Variants in RPTOR observed in about 807,000 individuals in gnomAD.
RPTOR encodes the protein regulatory-associated protein of mTOR.
Under a neutral mutation model 169.9 loss-of-function variants are expected in RPTOR, and 21 were observed. That is an observed-to-expected ratio of 0.12 (90% CI 0.09 to 0.18). The LOEUF (loss-of-function observed/expected upper bound fraction) is 0.18. RPTOR is among the 10% of genes least tolerant of loss of function. The pLI is 1.00. For synonymous variants in RPTOR, 732 were observed against 753.2 expected, an observed-to-expected ratio of 0.97 and a Z score of 0.46; for missense variants, 1,133 against 1,855.9, an observed-to-expected ratio of 0.61 and a Z score of 7.16.
intron 9 of RPTOR, among the ~76,000 whole-genome samples, chr17:80,831,779 G>A (rs544651237): frequency 4.0e-4 from 60 of 151,882 alleles, no homozygotes; most frequent in African/African-American, 1.4e-3. Context: ...GTGTGTCACT[G>A]TGTATCCCTG....
In RPTOR at chr17:80,960,162, G is replaced by A. The variant is rs1398062769; in HGVS notation, c.3562G>A (p.Gly1188Ser). The change falls in exon 30 of 34, where the codon GGC (glycine) becomes AGC (serine). Residue 1188 changes from glycine to serine, a missense_variant. Physicochemically the swap from Gly to Ser is moderately conservative, Grantham distance 56. This residue lies in a region of RPTOR where 410 missense variants were observed against 623.7 expected (regional missense o/e 0.66). Coordinates refer to ENST00000306801, the MANE Select transcript of RPTOR (RefSeq NM_020761.3). The surrounding 1 kb of genome is among the most constrained non-coding windows in gnomAD (Gnocchi z 4.8). ...ACTCATCGTGGCTGGCCTCGGTGACGGCTCCATCCGCGTCTACGACAGAAG... is the reference window on the plus strand; with the variant it reads ...ACTCATCGTGGCTGGCCTCGGTGACAGCTCCATCCGCGTCTACGACAGAAG... ...RSLIVAGLGD[G>S]SIRVYDRRMA... 1 of 1,613,546 alleles carries A rather than the reference G, an allele frequency of 6.2e-7. No homozygotes were observed. Among genetic ancestry groups the A allele is most frequent in the Non-Finnish European group, 8.5e-7 (1 of 1,180,006 alleles).
intron 20 of RPTOR, among the ~76,000 whole-genome samples, chr17:80,900,410 G>A (rs148564431): frequency 4.6e-5 from 7 of 152,124 alleles, no homozygotes; most frequent in African/African-American, 9.6e-5. Context: ...ACTGCCTCCC[G>A]GGTTCAAGCA....
chr17:80,790,009 T>C (rs2067031194), intron 6 of RPTOR, among the ~76,000 whole-genome samples: 1 of 152,198 alleles, frequency 6.6e-6, no homozygotes, highest in Non-Finnish European at 1.5e-5. Flanking sequence ...GCATTTCCTG[T>C]AGATCATTTT....
intron 3 of RPTOR, among the ~76,000 whole-genome samples, chr17:80,653,623 G>A (rs62069686): frequency 0.29 from 44,341 of 152,054 alleles, 6,524 homozygotes; most frequent in Middle Eastern, 0.33. Flanking sequence ...GGCTCATAGT[G>A]GACTGGGAGC....
At chr17:80,691,556 C>A (rs534939083) in intron 3 of RPTOR, among the ~76,000 whole-genome samples, 1 of 152,206 alleles carries the variant, frequency 6.6e-6, no homozygotes, top group Non-Finnish European at 1.5e-5. Context: ...CCGATGTCCA[C>A]GTCGTTCCAT....
rs962147838 is a variant in RPTOR, at chr17:80,721,870, A to C, written c.508-8690A>C. Among the ~76,000 whole-genome samples, 1 of 150,964 alleles carries C rather than the reference A, an allele frequency of 6.6e-6. No homozygotes were observed. Among genetic ancestry groups the C allele is most frequent in the East Asian group, 1.9e-4 (1 of 5,186 alleles). ...TTCATTATTATCCAATTTGGTATATATATATATATTTCAGGTTTTTATGAA... is the reference window on the plus strand; with the variant it reads ...TTCATTATTATCCAATTTGGTATATCTATATATATTTCAGGTTTTTATGAA... On this transcript the variant is annotated intron_variant, in intron 4 of 33. Coordinates refer to ENST00000306801, the MANE Select transcript of RPTOR (RefSeq NM_020761.3). This position sits in a 1 kb window ranked among gnomAD's most constrained non-coding sequence, Gnocchi z 4.7.
chr17:80,947,717 C>T lies in RPTOR; in HGVS notation c.3265+366C>T, dbSNP rs1028626013. ...GGATGCCCCAAGCCACAACACGTGC[C>T]AGGTCCTCCCCGGCCAGGGTCTCCT... On this transcript the variant is annotated intron_variant, in intron 27 of 33. Transcript: ENST00000306801. The surrounding 1 kb of genome is among the most constrained non-coding windows in gnomAD (Gnocchi z 4.4). Among the ~76,000 whole-genome samples, 1 of 152,146 alleles carries T rather than the reference C, an allele frequency of 6.6e-6. No individual in the cohort carries two copies. Among genetic ancestry groups the T allele is most frequent in the Non-Finnish European group, 1.5e-5 (1 of 68,032 alleles).
intron 1 of RPTOR, among the ~76,000 whole-genome samples, chr17:80,616,005 C>A (rs1451199644): frequency 6.6e-6 from 1 of 152,118 alleles, no homozygotes; most frequent in African/African-American, 2.4e-5. Flanking sequence ...AAGCTCTGAG[C>A]ATTCTGAGAG....
chr17:80,815,514 G>A (rs907544877), intron 7 of RPTOR, among the ~76,000 whole-genome samples: 5 of 152,236 alleles, frequency 3.3e-5, no homozygotes, highest in African/African-American at 4.8e-5. Flanking sequence ...GACAGCCATC[G>A]GCATCAGTGG....
chr17:80,841,568 A>C (rs933045596), intron 10 of RPTOR, among the ~76,000 whole-genome samples: 1,534 of 27,138 alleles, frequency 0.057, 44 homozygotes, highest in Admixed American at 0.1. Context: ...CGCACGGCAG[A>C]TCACTCTCAC....
In RPTOR at chr17:80,545,548, C is replaced by G. The variant is rs1286353486; in HGVS notation, c.-82C>G. On this transcript the variant is annotated 5_prime_UTR_variant, in exon 1 of 34. Coordinates refer to ENST00000306801, the MANE Select transcript of RPTOR (RefSeq NM_020761.3). ...TTCCCGTTTTTGTTTCTTATTTCAC[C>G]AATTCTGGTACACGCTAGTTTTTAA... 1 of 1,076,056 alleles carries G rather than the reference C, an allele frequency of 9.3e-7. No homozygotes were observed. The highest frequency in any genetic ancestry group is 1.6e-5 in the African/African-American group (1 of 61,980). The allele number at this position is 1,076,056 out of a possible 1,614,324, so 66.7% of individuals were successfully genotyped here. A position where few individuals can be genotyped will look rare whatever the true frequency, so the allele number is the denominator to read the frequency against.
chr17:80,661,809 C>T (rs1353707111), intron 3 of RPTOR, among the ~76,000 whole-genome samples: 1 of 151,996 alleles, frequency 6.6e-6, no homozygotes, highest in Non-Finnish European at 1.5e-5. Flanking sequence ...GGTTCCAAGA[C>T]AGTGGCTGTG....
At chr17:80,950,868 G>T (rs781770382) in intron 28 of RPTOR, among the ~76,000 whole-genome samples, 1 of 152,202 alleles carries the variant, frequency 6.6e-6, no homozygotes, top group Non-Finnish European at 1.5e-5. Context: ...TTCTGGGGTC[G>T]CTCAGAGGCA....
At chr17:80,829,713 T>C (rs1045204360) in intron 9 of RPTOR, among the ~76,000 whole-genome samples, 2 of 152,142 alleles carry the variant, frequency 1.3e-5, no homozygotes, top group Admixed American at 6.5e-5. Context: ...TCAGGATGCT[T>C]CCCCCACTCT....
rs539613146 is a variant in RPTOR, at chr17:80,854,389, G to A, written c.1315-1075G>A. Among the ~76,000 whole-genome samples, 9 of 152,350 alleles carry A rather than the reference G, an allele frequency of 5.9e-5. 1 individual carries two copies. The South Asian group carries it at 6.2e-4, about 11-fold the overall frequency. On this transcript the variant is annotated intron_variant, in intron 11 of 33. Transcript: ENST00000306801. The stretch of plus-strand genomic sequence containing the variant: ...TGCCCAGAGTCACACCGCAGTGAGC[G>A]CTGCTGGGTGACCAGCTCAGGCAGC...
chr17:80,567,665 G>A (rs922379050), intron 1 of RPTOR, among the ~76,000 whole-genome samples: 3 of 151,608 alleles, frequency 2.0e-5, no homozygotes, highest in African/African-American at 7.3e-5. Flanking sequence ...GGTGGCGGGC[G>A]CCTATAATCC....
intron 6 of RPTOR, among the ~76,000 whole-genome samples, chr17:80,761,101 A>G (rs904219803): frequency 4.6e-5 from 7 of 152,218 alleles, no homozygotes; most frequent in Admixed American, 3.3e-4. Context: ...CACCATATAC[A>G]TCAATACACT....
At position 80,962,068 on chromosome 17, in the gene RPTOR, G is replaced by A. The variant is rs543810604; in HGVS notation, c.3693-393G>A. ...AAAAGGGCCAGGCCATCCCTCTCTC[G>A]GGCCACAGCCTGCCATCCAGGCTCT... On this transcript the variant is annotated intron_variant, in intron 31 of 33. Transcript: ENST00000306801. 1.6e-4 allele frequency among the ~76,000 whole-genome samples: 25 copies of A among 152,284 alleles called. No individual in the cohort carries two copies. The East Asian group carries it at 3.9e-3, about 23-fold the overall frequency.
intron 6 of RPTOR, among the ~76,000 whole-genome samples, chr17:80,781,415 G>A (rs921745449): frequency 7.2e-5 from 11 of 152,138 alleles, no homozygotes; most frequent in African/African-American, 2.2e-4. Context: ...CCTTCTTCCC[G>A]GAGGGTACCA....
Sources: gnomAD v4.1 joint callset for allele counts (sites outside exome capture counted in the v4.1 genomes callset) on GRCh38, gnomAD v4.1.1 for gene constraint, gnomAD v4.1.1 regional missense constraint, Gnocchi (gnomAD v3.1) non-coding constraint, MANE v1.5 for transcripts, NCBI Gene and HGNC (gene_info 2026-07-23, HGNC 2026-07-21) for gene names.